Variants in SOCS5 observed in about 807,000 individuals in gnomAD.
The protein encoded by SOCS5 is suppressor of cytokine signaling 5.
SOCS5 carries 32 observed loss-of-function variants against 42.8 expected under a neutral mutation model. That is an observed-to-expected ratio of 0.75 (90% CI 0.56 to 1.01). SOCS5 has a LOEUF of 1.01. Among genes scored for constraint, SOCS5 ranks in the 50% least tolerant of loss-of-function variants. The pLI is 0.00. For synonymous variants in SOCS5, 283 were observed against 229.6 expected (o/e 1.23, Z -2.10); for missense variants, 627 against 653.0 (o/e 0.96, Z 0.43).
intron 1 of SOCS5, among the ~76,000 whole-genome samples, chr2:46,737,079 T>C (rs1476949327): frequency 6.6e-6 from 1 of 152,202 alleles, no homozygotes; most frequent in Non-Finnish European, 1.5e-5. Flanking sequence ...AACTTATTTT[T>C]CTAGCAAGTA....
chr2:46,712,186 A>G (rs1048726947), intron 1 of SOCS5, among the ~76,000 whole-genome samples: 2 of 152,186 alleles, frequency 1.3e-5, no homozygotes, highest in African/African-American at 2.4e-5. Flanking sequence ...TGAACATAAT[A>G]TAGCTCTATT....
At chr2:46,746,858 A>T (rs887500888) in intron 1 of SOCS5, among the ~76,000 whole-genome samples, 1 of 150,882 alleles carries the variant, frequency 6.6e-6, no homozygotes, top group Admixed American at 6.6e-5. Context: ...TTTGCTATGT[A>T]GACAATCACA....
Position 46,760,311 on chromosome 2 carries a change from C to G in SOCS5, c.*170C>G, listed in dbSNP as rs1348095816. 1.7e-6 allele frequency: 1 copy of G among 604,864 alleles called. No homozygotes were observed. The highest frequency in any genetic ancestry group is 3.0e-6 in the Non-Finnish European group (1 of 335,336). 37.5% of individuals were successfully genotyped at this position (604,864 alleles called of 1,614,324 possible). On this transcript the variant is annotated 3_prime_UTR_variant, in exon 2 of 2. Coordinates refer to ENST00000394861, the MANE Select transcript of SOCS5 (RefSeq NM_144949.3). ...TTACTTATTCAGATAAACATGGTGC[C>G]TATTGGAACAATAGCGGATAGAGCT...
chr2:46,726,110 T>A (rs976143051), intron 1 of SOCS5, among the ~76,000 whole-genome samples: 8 of 152,294 alleles, frequency 5.3e-5, no homozygotes, highest in African/African-American at 1.4e-4. Context: ...TTATTTATTT[T>A]TTTGTAGACG....
chr2:46,700,210 G>T (rs941674970), intron 1 of SOCS5, among the ~76,000 whole-genome samples: 1 of 152,182 alleles, frequency 6.6e-6, no homozygotes, highest in Non-Finnish European at 1.5e-5. Flanking sequence ...ACTTTGAAAG[G>T]CTTGAGGGAT....
rs566148093 is a variant in SOCS5, at chr2:46,759,568, C to A, written c.1038C>A (p.Asp346Glu). 6.2e-7 allele frequency: 1 copy of A among 1,613,960 alleles called. No homozygotes were observed. The highest frequency in any genetic ancestry group is 1.1e-5 in the South Asian group (1 of 91,074). The change falls in exon 2 of 2, where the codon GAC becomes GAA. Residue 346 changes from aspartate to glutamate, a missense_variant. Coordinates refer to ENST00000394861, the MANE Select transcript of SOCS5 (RefSeq NM_144949.3). ...RRQKQRQISGDSHTHVSRQGA... is the reference protein window; with the variant it reads ...RRQKQRQISGESHTHVSRQGA... ...AGAAGCAGCGTCAGATATCTGGAGA[C>A]AGCCATACCCATGTTAGCAGACAGG...
chr2:46,758,757 C>G lies in SOCS5; in HGVS notation c.227C>G (p.Ser76Ter). ...GGATTAAGCCCTTCGAAGAATTCTT[C>G]AAGGAGAAATCAAAATTGTGCCACA... The part of the protein sequence containing the change: ...QLGLSPSKNS[S>*]RRNQNCATEI... Residue 76 changes from serine (S) to a stop codon, truncating the protein, a stop_gained, in exon 2 of 2, where the codon TCA (serine) becomes TGA (stop). Coordinates refer to ENST00000394861, the MANE Select transcript of SOCS5 (RefSeq NM_144949.3). LOFTEE classifies it high-confidence loss of function. 6.2e-7 allele frequency: 1 copy of G among 1,614,072 alleles called. No homozygotes were observed. Among genetic ancestry groups the G allele is most frequent in the Non-Finnish European group, 8.5e-7 (1 of 1,179,990 alleles).
intron 1 of SOCS5, among the ~76,000 whole-genome samples, chr2:46,720,872 G>C (rs1398219878): frequency 6.6e-6 from 1 of 151,138 alleles, no homozygotes; most frequent in African/African-American, 2.5e-5. Flanking sequence ...CTTCCTTTTG[G>C]GTGTCAGCAT....
intron 1 of SOCS5, among the ~76,000 whole-genome samples, chr2:46,735,934 TTTA>T (rs1223813659): frequency 1.3e-5 from 2 of 152,180 alleles, no homozygotes; most frequent in Non-Finnish European, 2.9e-5. Context: ...TGTGTTATAC[TTTA>T]TTATTGTAGT....
chr2:46,700,182 A>G (rs1672309121), intron 1 of SOCS5, among the ~76,000 whole-genome samples: 2 of 152,194 alleles, frequency 1.3e-5, no homozygotes, highest in South Asian at 2.1e-4. Context: ...GTGTAAATAC[A>G]TCTTGGTTTG....
chr2:46,757,303 A>G (rs1280175525), intron 1 of SOCS5, among the ~76,000 whole-genome samples: 1 of 152,192 alleles, frequency 6.6e-6, no homozygotes, highest in East Asian at 1.9e-4. Context: ...AAACCAATTG[A>G]ATTTTAAGTT....
chr2:46,732,927 A>G (rs1673156617), intron 1 of SOCS5, among the ~76,000 whole-genome samples: 1 of 152,122 alleles, frequency 6.6e-6, no homozygotes, highest in Non-Finnish European at 1.5e-5. Context: ...CAACTTTCAC[A>G]ATAGCTGGTT....
rs1673475837 is a variant in SOCS5, at chr2:46,745,419, T to C, written c.-12-13100T>C. Among the ~76,000 whole-genome samples, 5 of 152,190 alleles carry C rather than the reference T, an allele frequency of 3.3e-5. No homozygotes were observed. The South Asian group carries it at 1.0e-3, about 31-fold the overall frequency. On this transcript the variant is annotated intron_variant, in intron 1 of 1. Coordinates refer to ENST00000394861, the MANE Select transcript of SOCS5 (RefSeq NM_144949.3). ...ACATTTACATTGTTTAAATTGAACATAAAATTGTACCTGATCAAAAACATG... is the reference window on the plus strand; with the variant it reads ...ACATTTACATTGTTTAAATTGAACACAAAATTGTACCTGATCAAAAACATG...
At chr2:46,751,811 G>C (rs76145246) in intron 1 of SOCS5, among the ~76,000 whole-genome samples, 1 of 152,060 alleles carries the variant, frequency 6.6e-6, no homozygotes, top group African/African-American at 2.4e-5. Flanking sequence ...AAACTATGGC[G>C]TATGGGCAAA....
At chr2:46,720,245 G>A (rs1200570045) in intron 1 of SOCS5, among the ~76,000 whole-genome samples, 2 of 152,144 alleles carry the variant, frequency 1.3e-5, no homozygotes, top group Non-Finnish European at 2.9e-5. Context: ...TTGTTTTCTT[G>A]TACATCTGAA....
At chr2:46,747,593 G>T (rs1157988718) in intron 1 of SOCS5, among the ~76,000 whole-genome samples, 1 of 152,040 alleles carries the variant, frequency 6.6e-6, no homozygotes, top group Admixed American at 6.6e-5. Context: ...GTAGTCTGTG[G>T]CCCTGGGCTG....
Position 46,760,255 on chromosome 2 carries a change from A to G in SOCS5, c.*114A>G. On this transcript the variant is annotated 3_prime_UTR_variant, in exon 2 of 2. Transcript: ENST00000394861. Reference sequence around the variant, plus strand: ...GCTTTTTCATACAGTATGTAAGCTTAGTGTTAGTATCTGTCAGATGCTACC... The same window carrying G: ...GCTTTTTCATACAGTATGTAAGCTTGGTGTTAGTATCTGTCAGATGCTACC... 4 of 735,756 alleles carry G rather than the reference A, an allele frequency of 5.4e-6. No homozygotes were observed. The highest frequency in any genetic ancestry group is 4.6e-6 in the Non-Finnish European group (2 of 439,408). 45.6% of individuals were successfully genotyped at this position (735,756 alleles called of 1,614,324 possible). A position where few individuals can be genotyped will look rare whatever the true frequency, so the allele number is the denominator to read the frequency against.
chr2:46,714,425 C>G (rs1018880597), intron 1 of SOCS5, among the ~76,000 whole-genome samples: 1 of 152,178 alleles, frequency 6.6e-6, no homozygotes, highest in Non-Finnish European at 1.5e-5. Flanking sequence ...TTCCGTTGTT[C>G]TGAAGTCTCT....
At chr2:46,701,730 C>G (rs955193932) in intron 1 of SOCS5, among the ~76,000 whole-genome samples, 1 of 149,380 alleles carries the variant, frequency 6.7e-6, no homozygotes, top group Admixed American at 6.7e-5. Flanking sequence ...GCTGATAGTT[C>G]CCTGTCATTG....
Sources: gnomAD v4.1 joint callset for allele counts (sites outside exome capture counted in the v4.1 genomes callset) on GRCh38, gnomAD v4.1.1 for gene constraint, MANE v1.5 for transcripts, NCBI Gene and HGNC (gene_info 2026-07-23, HGNC 2026-07-21) for gene names.